Variants in SLC38A11 observed in about 807,000 individuals in gnomAD.
The protein encoded by SLC38A11 is putative sodium-coupled neutral amino acid transporter 11.
Under a neutral mutation model 49.4 loss-of-function variants are expected in SLC38A11, and 51 were observed. That is an observed-to-expected ratio of 1.03 (90% CI 0.83 to 1.30). The LOEUF is 1.30. SLC38A11 is among the 50% of genes most tolerant of loss of function. The pLI, the probability that SLC38A11 is intolerant of heterozygous loss-of-function variation, is 0.00. For synonymous variants in SLC38A11, 203 were observed against 192.9 expected (o/e 1.05, Z -0.43); for missense variants, 574 against 556.2 (o/e 1.03, Z -0.32).
Position 164,952,770 on chromosome 2 carries a change from A to T in SLC38A11, c.166T>A (p.Ser56Thr). Residue 56 changes from serine to threonine, a missense_variant, in exon 3 of 12, where the codon TCA becomes ACA. By Grantham distance (58) the Ser-to-Thr change is moderately conservative. Transcript: ENST00000685975. ...IGSGIIGLPYSMKQAGFPLGI... is the reference protein window; with the variant it reads ...IGSGIIGLPYTMKQAGFPLGI... ...AAAGGAAACCCAGCTTGCTTCATTGAATAAGGCAATCCTGAAAAAACATAA... is the reference window on the plus strand; with the variant it reads ...AAAGGAAACCCAGCTTGCTTCATTGTATAAGGCAATCCTGAAAAAACATAA... 6.2e-7 allele frequency: 1 copy of T among 1,601,550 alleles called. No homozygotes were observed. Among genetic ancestry groups the T allele is most frequent in the African/African-American group, 1.4e-5 (1 of 73,932 alleles).
chr2:164,903,193 T>TGA (rs1684774366), intron 11 of SLC38A11, among the ~76,000 whole-genome samples: 1 of 20,202 alleles, frequency 4.9e-5, no homozygotes, highest in Admixed American at 1.2e-3. Context: ...AATGTGTGTG[T>TGA]GTGTGTGTGT....
Position 164,897,167 on chromosome 2 carries a change from G to A in SLC38A11, c.*1270C>T, listed in dbSNP as rs1476772083. ...ATCATTTAAAAATCCTCAGTAAACC[G>A]AGGGCATCTGTGGTGGGCACAGCTG... On this transcript the variant is annotated 3_prime_UTR_variant, in exon 12 of 12. Transcript: ENST00000685975. 6.6e-6 allele frequency: 1 copy of A among 152,030 alleles called. No homozygotes were observed. The highest frequency in any genetic ancestry group is 1.5e-5 in the Non-Finnish European group (1 of 68,010). The allele number at this position is 152,030 out of a possible 1,614,324, so 9.4% of individuals were successfully genotyped here. A position where few individuals can be genotyped will look rare whatever the true frequency, so the allele number is the denominator to read the frequency against.
chr2:164,918,422 A>G (rs1030448116), intron 7 of SLC38A11, among the ~76,000 whole-genome samples: 1 of 152,208 alleles, frequency 6.6e-6, no homozygotes, highest in African/African-American at 2.4e-5. Flanking sequence ...ATAGAAAAGC[A>G]TACAACTCAG....
chr2:164,939,296 C>G (rs1687584136), intron 6 of SLC38A11, among the ~76,000 whole-genome samples, 154 bp downstream of exon 6: 1 of 152,020 alleles, frequency 6.6e-6, no homozygotes, highest in East Asian at 1.9e-4. Context: ...TTCTCACAAA[C>G]TAATGATTCA....
At chr2:164,920,267 C>T (rs1573926943) in intron 7 of SLC38A11, among the ~76,000 whole-genome samples, 3 of 116,286 alleles carry the variant, frequency 2.6e-5, no homozygotes, top group Non-Finnish European at 5.1e-5. Context: ...GGTGACAGAG[C>T]AAGACTCCGT....
At chr2:164,932,923 T>C (rs1285148302) in intron 7 of SLC38A11, among the ~76,000 whole-genome samples, 1 of 152,128 alleles carries the variant, frequency 6.6e-6, no homozygotes, top group Non-Finnish European at 1.5e-5. Context: ...GAATCATTTC[T>C]TTCCTTAAAT....
chr2:164,915,282 CA>C lies in SLC38A11; in HGVS notation c.689-10del, dbSNP rs201314928. 412 of 1,545,676 alleles carry C rather than the reference CA, an allele frequency of 2.7e-4. No individual in the cohort carries two copies. Among genetic ancestry groups the C allele is most frequent in the South Asian group, 8.8e-4 (71 of 80,768 alleles). On this transcript the variant is annotated splice_polypyrimidine_tract_variant and intron_variant, in intron 8 of 11. Coordinates refer to ENST00000685975, the MANE Select transcript of SLC38A11 (RefSeq NM_001351537.2). Reference sequence around the variant, plus strand: ...ATGGTGGCAAATAAATGCTGCAATACAAAAAAAAAGAGCATTATTAAATCAA... The same window carrying C: ...ATGGTGGCAAATAAATGCTGCAATACAAAAAAAAGAGCATTATTAAATCAA...
intron 11 of SLC38A11, among the ~76,000 whole-genome samples, chr2:164,907,763 G>T (rs1685119134): frequency 6.6e-6 from 1 of 151,986 alleles, no homozygotes; most frequent in African/African-American, 2.4e-5. Context: ...AATTTGGACA[G>T]AAATGAAAGA....
Position 164,896,295 on chromosome 2 carries a change from C to A in SLC38A11, c.*2142G>T, listed in dbSNP as rs1574713890. The A allele has an allele frequency of 8.4e-6, 1 of 118,894 alleles. No homozygotes were observed. Among genetic ancestry groups the A allele is most frequent in the Non-Finnish European group, 2.0e-5 (1 of 51,260 alleles). The allele number at this position is 118,894 out of a possible 1,614,324, so 7.4% of individuals were successfully genotyped here. On this transcript the variant is annotated 3_prime_UTR_variant, in exon 12 of 12. Coordinates refer to ENST00000685975, the MANE Select transcript of SLC38A11 (RefSeq NM_001351537.2). ...CTACAGCTGATTAAAAATAAATAAA[C>A]CAATACATGTTTATTAGGCACTAAT...
Position 164,955,345 on chromosome 2 carries a change from C to A in SLC38A11, c.-98G>T, listed in dbSNP as rs139992776. The A allele has an allele frequency of 3.4e-6, 4 of 1,182,616 alleles. No homozygotes were observed. Among genetic ancestry groups the A allele is most frequent in the Non-Finnish European group, 4.9e-6 (4 of 816,924 alleles). The allele number at this position is 1,182,616 out of a possible 1,614,324, so 73.3% of individuals were successfully genotyped here. On this transcript the variant is annotated 5_prime_UTR_variant, in exon 1 of 12. Coordinates refer to ENST00000685975, the MANE Select transcript of SLC38A11 (RefSeq NM_001351537.2). ...CGCCACCTCGCACACAGCCGAGGTC[C>A]GCGTGTAGCCGCAGAGCTGCAGGGA...
rs749377983 is a variant in SLC38A11, at chr2:164,955,490, T to C, written c.-243A>G. The C allele has an allele frequency of 5.6e-6, 3 of 540,228 alleles. No homozygotes were observed. The highest frequency in any genetic ancestry group is 9.9e-6 in the Non-Finnish European group (3 of 303,200). 33.5% of individuals were successfully genotyped at this position (540,228 alleles called of 1,614,324 possible). ...CGGAGTTCGCCCAGACAAATGTATT[T>C]TTCCTCCGGAGACGGAGATGCTGCA... On this transcript the variant is annotated 5_prime_UTR_variant, in exon 1 of 12. Coordinates refer to ENST00000685975, the MANE Select transcript of SLC38A11 (RefSeq NM_001351537.2).
chr2:164,937,210 T>C (rs1687430294), intron 7 of SLC38A11, 140 bp downstream of exon 7: 1 of 611,558 alleles, frequency 1.6e-6, no homozygotes, highest in Non-Finnish European at 2.9e-6. Flanking sequence ...CCTGTAATTA[T>C]TTTACCTCAT....
rs1382908518 is a variant in SLC38A11, at chr2:164,896,854, T to C, written c.*1583A>G. The C allele has an allele frequency of 2.0e-5, 3 of 152,138 alleles. No homozygotes were observed. Among genetic ancestry groups the C allele is most frequent in the African/African-American group, 7.2e-5 (3 of 41,444 alleles). The allele number at this position is 152,138 out of a possible 1,614,324, so 9.4% of individuals were successfully genotyped here. A position where few individuals can be genotyped will look rare whatever the true frequency, so the allele number is the denominator to read the frequency against. ...CACACAGTGACTCAGCTCTTGCCAC[T>C]TTATTCAAACTACTGTGAACCTACC... On this transcript the variant is annotated 3_prime_UTR_variant, in exon 12 of 12. Coordinates refer to ENST00000685975, the MANE Select transcript of SLC38A11 (RefSeq NM_001351537.2).
intron 3 of SLC38A11, 65 bp downstream of exon 3, chr2:164,952,642 G>T: frequency 1.1e-6 from 1 of 947,610 alleles, no homozygotes; most frequent in Non-Finnish European, 1.7e-6. Flanking sequence ...GTGTGTGTGT[G>T]TGTGTATGTG....
intron 7 of SLC38A11, among the ~76,000 whole-genome samples, chr2:164,925,083 G>T (rs1686476342): frequency 6.6e-6 from 1 of 152,148 alleles, no homozygotes; most frequent in South Asian, 2.1e-4. Flanking sequence ...CATATAAAAA[G>T]CTAGCCCAGC....
intron 3 of SLC38A11, among the ~76,000 whole-genome samples, chr2:164,946,288 G>A (rs1236774801): frequency 6.6e-6 from 1 of 151,874 alleles, no homozygotes; most frequent in Non-Finnish European, 1.5e-5. Context: ...TACATTTTTG[G>A]CCGGCGCAGT....
At position 164,937,374 on chromosome 2, in the gene SLC38A11, C is replaced by A. The variant is rs1166370834; in HGVS notation, c.593G>T (p.Arg198Met). The A allele has an allele frequency of 6.2e-7, 1 of 1,611,606 alleles. No homozygotes were observed. The highest frequency in any genetic ancestry group is 8.5e-7 in the Non-Finnish European group (1 of 1,178,216). Residue 198 changes from arginine (R) to methionine (M), a missense_variant, in exon 7 of 12, where the codon AGG (arginine) becomes ATG (methionine). Transcript: ENST00000685975. ...TTLILGIVMA[R>M]AISLGPHIPK... ...CATGTGTGGACCCAGTGAAATTGCC[C>A]TTGCCATTACAATTCCAAGAATCAG...
intron 11 of SLC38A11, among the ~76,000 whole-genome samples, chr2:164,898,976 ATAT>A (rs1263513030): frequency 6.6e-6 from 1 of 152,156 alleles, no homozygotes; most frequent in Non-Finnish European, 1.5e-5. Flanking sequence ...ACTTAAGAAA[ATAT>A]TATCACAAAA....
intron 5 of SLC38A11, among the ~76,000 whole-genome samples, chr2:164,941,677 T>C (rs1208821730): frequency 6.6e-6 from 1 of 152,142 alleles, no homozygotes; most frequent in Non-Finnish European, 1.5e-5. Context: ...ATTCTTTGTA[T>C]AATTAAAAAT....
Sources: allele counts gnomAD v4.1 joint callset (sites outside exome capture counted in the v4.1 genomes callset), GRCh38; gene constraint gnomAD v4.1.1; transcripts MANE v1.5; gene names NCBI Gene and HGNC (gene_info 2026-07-23, HGNC 2026-07-21).